CDK10: variants seen among roughly 807,000 people sequenced by gnomAD.
CDK10 encodes cyclin-dependent kinase 10.
CDK10 carries 55 observed loss-of-function variants against 51.0 expected under a neutral mutation model. The ratio of observed to expected loss-of-function variants is 1.08; its 90% CI spans 0.87 to 1.35. The LOEUF is 1.35. Ranked by LOEUF, CDK10 falls within the 40% of genes most tolerant of loss-of-function variation. The pLI is 0.00. For missense variants in CDK10, 589 were observed against 485.1 expected (o/e 1.21, Z -2.01); for synonymous variants, 255 against 199.1 (o/e 1.28, Z -2.36).
intron 12 of CDK10, 99 bp from the exon 13 acceptor site, chr16:89,695,496 C>T: frequency 6.7e-7 from 1 of 1,492,504 alleles, no homozygotes. Context: ...GCACAGACAG[C>T]CCAGGGCCAG....
rs912720892 is a variant in CDK10 at position 89,694,972 on chromosome 16, G to C, written c.834G>C (p.Arg278=). ...CACTGGTCGGCCAGTACAGCCTCCG[G>C]AAGCAGCCCTACAACAACCTGAAGC... ...KLPLVGQYSL[R]KQPYNNLKHK... is the part of the protein sequence containing the mutation. The change falls in exon 11 of 13, where the codon CGG becomes CGC. Residue 278 remains arginine (R), a synonymous_variant. Coordinates refer to ENST00000353379, the MANE Select transcript of CDK10 (RefSeq NM_052988.5). The C allele has an allele frequency of 6.2e-7, 1 of 1,613,224 alleles. No homozygotes were observed. Among genetic ancestry groups the C allele is most frequent in the Non-Finnish European group, 8.5e-7 (1 of 1,180,026 alleles).
chr16:89,695,503 C>A, intron 12 of CDK10, 92 bp from the exon 13 acceptor site: 2 of 1,502,098 alleles, frequency 1.3e-6, no homozygotes, highest in Non-Finnish European at 1.8e-6. Context: ...CAGCCCAGGG[C>A]CAGGTCCAGA....
intron 1 of CDK10, chr16:89,687,883 G>A: frequency 3.1e-6 from 1 of 326,332 alleles, no homozygotes; most frequent in South Asian, 2.5e-5. Context: ...CAGGCCAGAT[G>A]CTTCTGACTC....
rs545599527 is a variant in CDK10, at chr16:89,695,585, C to T, written c.986-10C>T. 5.0e-6 allele frequency: 8 copies of T among 1,598,486 alleles called. No individual in the cohort carries two copies. In the Admixed American group the frequency reaches 1.4e-4, roughly 27 times the overall value. ...CTGCCCCGCCCAGCACTGAACCCTT[C>T]TCCCTGCAGCCTGTGAGCCGGAGCT... On this transcript the variant is annotated splice_polypyrimidine_tract_variant and intron_variant, in intron 12 of 12. Transcript: ENST00000353379.
At position 89,695,666 on chromosome 16, in the gene CDK10, G is replaced by T; in HGVS notation, c.1057G>T (p.Gly353Cys). 6.2e-7 allele frequency: 1 copy of T among 1,602,254 alleles called. No individual in the cohort carries two copies. ...GCGGGCCGCCCCAGCCACCTCCGAG[G>T]GCCAGAGCAAGCGCTGTAAACCCTG... Reference protein sequence around the residue: ...NKRAAPATSEGQSKRCKP With the variant: ...NKRAAPATSECQSKRCKP Residue 353 changes from glycine (G) to cysteine (C), a missense_variant, in exon 13 of 13, where the codon GGC becomes TGC. Physicochemically the swap from Gly to Cys is radical, Grantham distance 159. Transcript: ENST00000353379.
rs781401717 is a variant in CDK10, at chr16:89,695,341, C to G, written c.981C>G (p.Pro327=). The G allele has an allele frequency of 1.4e-5, 22 of 1,612,250 alleles. No homozygotes were observed. Among genetic ancestry groups the G allele is most frequent in the Non-Finnish European group, 1.9e-5 (22 of 1,178,936 alleles). The part of the protein sequence containing the change: ...CLESSYFKEK[P]LPCEPELMPT... Reference sequence around the variant, plus strand: ...AGAGCTCCTATTTCAAGGAGAAGCCCCTACGTGAGTGTGCAGGGTTCCTGA... The same window carrying G: ...AGAGCTCCTATTTCAAGGAGAAGCCGCTACGTGAGTGTGCAGGGTTCCTGA... Residue 327 remains proline, a synonymous_variant, in exon 12 of 13, where the codon CCC becomes CCG. Coordinates refer to ENST00000353379, the MANE Select transcript of CDK10 (RefSeq NM_052988.5).
chr16:89,696,091 C>G lies in CDK10; in HGVS notation c.*399C>G. Reference sequence around the variant, plus strand: ...GAGAGGGCCCAGAAGACCTTCGTATCCCCTCTCAGTCGCCCGGGGCTGTCC... The same window carrying G: ...GAGAGGGCCCAGAAGACCTTCGTATGCCCTCTCAGTCGCCCGGGGCTGTCC... On this transcript the variant is annotated 3_prime_UTR_variant, in exon 13 of 13. Transcript: ENST00000353379. 3.9e-6 allele frequency: 2 copies of G among 508,446 alleles called. No individual in the cohort carries two copies. The highest frequency in any genetic ancestry group is 7.2e-6 in the Non-Finnish European group (2 of 278,516). The allele number at this position is 508,446 out of a possible 1,614,324, so 31.5% of individuals were successfully genotyped here.
At chr16:89,690,425 C>A (rs1262538286) in intron 2 of CDK10, 128 bp from the exon 3 acceptor site, 1 of 757,550 alleles carries the variant, frequency 1.3e-6, no homozygotes, top group Non-Finnish European at 2.4e-6. Context: ...GACTGAGTGT[C>A]ACTGGGCATG....
rs2060383383 is a variant in CDK10 at position 89,690,277 on chromosome 16, G to A, written c.161-276G>A. 7 of 494,824 alleles carry A rather than the reference G, an allele frequency of 1.4e-5. No homozygotes were observed. The South Asian group carries it at 1.9e-4, about 13-fold the overall frequency. The allele number at this position is 494,824 out of a possible 1,614,324, so 30.7% of individuals were successfully genotyped here. ...TGATCTGCATGCTAAGGAGGACATG[G>A]AGAGCCTGGAGCCACAGAACTGAGT... is the stretch of plus-strand genomic sequence containing the variant. On this transcript the variant is annotated intron_variant, in intron 2 of 12. Transcript: ENST00000353379.
At chr16:89,688,116 C>T (rs1431746922) in intron 1 of CDK10, among the ~76,000 whole-genome samples, 3 of 116,634 alleles carry the variant, frequency 2.6e-5, no homozygotes, top group Non-Finnish European at 4.9e-5. Context: ...GAGTCTCATT[C>T]TGTCACCCAG....
Position 89,695,319 on chromosome 16 carries a change from G to T in CDK10, c.959G>T (p.Ser320Ile). The T allele has an allele frequency of 6.2e-7, 1 of 1,612,430 alleles. No individual in the cohort carries two copies. Among genetic ancestry groups the T allele is most frequent in the Non-Finnish European group, 8.5e-7 (1 of 1,179,090 alleles). Residue 320 changes from serine (S) to isoleucine (I), a missense_variant, in exon 12 of 13, where the codon AGC becomes ATC. Coordinates refer to ENST00000353379, the MANE Select transcript of CDK10 (RefSeq NM_052988.5). ...KRATAGDCLE[S>I]SYFKEKPLPC... ...GCGACGGCCGGGGACTGCCTGGAGA[G>T]CTCCTATTTCAAGGAGAAGCCCCTA...
In CDK10 at chr16:89,691,615, A is replaced by C. The variant is rs62068365; in HGVS notation, c.335+70A>C. On this transcript the variant is annotated intron_variant, in intron 4 of 12. Transcript: ENST00000353379. ...GTCTTGGGCTAGAGGTGTTGCACAG[A>C]GCGAGGACTGAGTGTCACTGGGCAT... 4.6e-3 allele frequency: 6,289 copies of C among 1,375,216 alleles called. 22 individuals are homozygous for C. Among genetic ancestry groups the C allele is most frequent in the Non-Finnish European group, 5.8e-3 (5,631 of 975,296 alleles). The allele number at this position is 1,375,216 out of a possible 1,614,324, so 85.2% of individuals were successfully genotyped here.
rs367685843 is a variant in CDK10, at chr16:89,691,798, T to A, written c.336-8T>A. The A allele has an allele frequency of 6.2e-7, 1 of 1,613,584 alleles. No homozygotes were observed. The highest frequency in any genetic ancestry group is 1.3e-5 in the African/African-American group (1 of 74,882). ...CGGAGAGTGGCATGCATCTTCTGTT[T>A]CTTCCAGCATCTTCCTGGTGATGGG... On this transcript the variant is annotated splice_region_variant and splice_polypyrimidine_tract_variant and intron_variant, in intron 4 of 12. Coordinates refer to ENST00000353379, the MANE Select transcript of CDK10 (RefSeq NM_052988.5).
chr16:89,686,871 G>C, intron 1 of CDK10, 74 bp downstream of exon 1: 2 of 1,293,210 alleles, frequency 1.5e-6, no homozygotes, highest in Non-Finnish European at 2.2e-6. Flanking sequence ...GGGGAGCCTC[G>C]TGTCGCGCTG....
intron 2 of CDK10, chr16:89,689,574 A>G: frequency 2.1e-6 from 1 of 472,570 alleles, no homozygotes; most frequent in Non-Finnish European, 3.8e-6. Context: ...AGTACACAGA[A>G]CTGTTAGAGA....
chr16:89,695,497 C>T, intron 12 of CDK10, 98 bp from the exon 13 acceptor site: 4 of 1,495,824 alleles, frequency 2.7e-6, no homozygotes, highest in Middle Eastern at 1.8e-4. Context: ...CACAGACAGC[C>T]CAGGGCCAGG....
At chr16:89,692,138 G>A in intron 5 of CDK10, 2 of 568,980 alleles carry the variant, frequency 3.5e-6, no homozygotes, top group South Asian at 2.1e-5. Flanking sequence ...GGCAGCCCCG[G>A]GGCTGAGAGC....
intron 5 of CDK10, 81 bp from the exon 6 acceptor site, chr16:89,692,368 C>G: frequency 9.2e-7 from 1 of 1,081,250 alleles, no homozygotes; most frequent in South Asian, 1.7e-5. Context: ...GCTAGTCCTG[C>G]TGGCCAGTGT....
chr16:89,692,119 T>A, intron 5 of CDK10: 1 of 570,162 alleles, frequency 1.8e-6, no homozygotes, highest in East Asian at 3.0e-5. Flanking sequence ...TCCTGGGCTG[T>A]TGGGAGCAGG....
Sources: gnomAD v4.1 joint callset for allele counts (sites outside exome capture counted in the v4.1 genomes callset) on GRCh38, gnomAD v4.1.1 for gene constraint, MANE v1.5 for transcripts, NCBI Gene and HGNC (gene_info 2026-07-23, HGNC 2026-07-21) for gene names.